Variants in GNPTG observed in about 807,000 individuals in gnomAD.
GNPTG encodes N-acetylglucosamine-1-phosphotransferase subunit gamma.
Under a neutral mutation model 43.8 loss-of-function variants are expected in GNPTG, and 46 were observed. The ratio of observed to expected loss-of-function variants is 1.05; its 90% CI spans 0.83 to 1.34. GNPTG has a LOEUF of 1.34. GNPTG is among the 40% of genes most tolerant of loss of function. The pLI, the probability that GNPTG is intolerant of heterozygous loss-of-function variation, is 0.00. For missense variants in GNPTG, 549 were observed against 411.3 expected (o/e 1.33, Z -2.90); for synonymous variants, 250 against 172.8 (o/e 1.45, Z -3.50).
intron 3 of GNPTG, among the ~76,000 whole-genome samples, chr16:1,356,913 G>A (rs866816914): frequency 1.9e-4 from 2 of 10,428 alleles, no homozygotes; most frequent in African/African-American, 5.3e-4. Context: ...GCGGGCGAGA[G>A]TGTGCGGGCG....
Position 1,352,241 on chromosome 16 carries a change from T to C in GNPTG, c.113T>C (p.Val38Ala), listed in dbSNP as rs372379104. ...KVVEEPNAFG[V>A]NNPFLPQASR... is the part of the protein sequence containing the mutation. ...GCTGACCTTGCCGCTTCCCGTAGGGTGAACAACCCGTTCTTGCCTCAGGCC... is the reference window on the plus strand; with the variant it reads ...GCTGACCTTGCCGCTTCCCGTAGGGCGAACAACCCGTTCTTGCCTCAGGCC... The change falls in exon 3 of 11, where the codon GTG becomes GCG. Residue 38 changes from valine to alanine, a missense_variant and splice_region_variant. Coordinates refer to ENST00000204679, the MANE Select transcript of GNPTG (RefSeq NM_032520.5). The C allele has an allele frequency of 1.5e-5, 23 of 1,548,604 alleles. No homozygotes were observed. The African/African-American group carries it at 2.7e-4, about 18-fold the overall frequency.
Position 1,361,953 on chromosome 16 carries a change from C to A in GNPTG, c.315C>A (p.Leu105=), listed in dbSNP as rs774673554. Residue 105 remains leucine (L), a splice_region_variant and synonymous_variant, in exon 5 of 11, where the codon CTC becomes CTA. Transcript: ENST00000204679. ...GCTGGAACGCCTACAGTGGGATCCT[C>A]GGGTGAGTGGGGCCGGGGCAGGGAT... ...TFRWNAYSGI[L]GIWHEWEIAN... The A allele has an allele frequency of 9.3e-6, 15 of 1,613,356 alleles. No homozygotes were observed. Among genetic ancestry groups the A allele is most frequent in the Middle Eastern group, 1.6e-4 (1 of 6,084 alleles).
chr16:1,352,222 C>T lies in GNPTG; in HGVS notation c.111-17C>T. 1 of 1,550,056 alleles carries T rather than the reference C, an allele frequency of 6.5e-7. No individual in the cohort carries two copies. The highest frequency in any genetic ancestry group is 1.2e-5 in the South Asian group (1 of 84,072). Reference sequence around the variant, plus strand: ...CGGCCCGGGCCCGTTCCCCGCTGACCTTGCCGCTTCCCGTAGGGTGAACAA... The same window carrying T: ...CGGCCCGGGCCCGTTCCCCGCTGACTTTGCCGCTTCCCGTAGGGTGAACAA... On this transcript the variant is annotated splice_polypyrimidine_tract_variant and intron_variant, in intron 2 of 10. Transcript: ENST00000204679.
chr16:1,354,585 CAAAAAAAAA>C (rs869067502), intron 3 of GNPTG, among the ~76,000 whole-genome samples: 2 of 44,376 alleles, frequency 4.5e-5, no homozygotes, highest in Non-Finnish European at 4.0e-5. Flanking sequence ...GACTTCGTCT[CAAAAAAAAA>C]AAAAAAAAAA....
intron 3 of GNPTG, among the ~76,000 whole-genome samples, chr16:1,359,669 G>A (rs1216057353): frequency 6.6e-6 from 1 of 152,166 alleles, no homozygotes; most frequent in East Asian, 1.9e-4. Context: ...CTGTCTTTAA[G>A]ATTTGTTCGA....
At chr16:1,358,307 C>A (rs1004713338) in intron 3 of GNPTG, 1 of 152,436 alleles carries the variant, frequency 6.6e-6, no homozygotes, top group African/African-American at 2.4e-5. Flanking sequence ...GCCCCGGCAC[C>A]CACCATTCTG....
At chr16:1,361,689 T>C (rs1435882197) in intron 3 of GNPTG, 54 bp from the exon 4 acceptor site, 4 of 1,590,612 alleles carry the variant, frequency 2.5e-6, no homozygotes, top group African/African-American at 2.7e-5. Context: ...CTGCCAGTCT[T>C]TGCAGACAGG....
intron 3 of GNPTG, 47 bp from the exon 4 acceptor site, chr16:1,361,696 C>CA: frequency 6.2e-7 from 1 of 1,601,954 alleles, no homozygotes. Flanking sequence ...TCTTTGCAGA[C>CA]AGGTTCTGTG....
chr16:1,363,041 A>T lies in GNPTG; in HGVS notation c.868A>T (p.Lys290Ter), dbSNP rs751864147. 1 of 1,614,080 alleles carries T rather than the reference A, an allele frequency of 6.2e-7. No individual in the cohort carries two copies. Among genetic ancestry groups the T allele is most frequent in the Admixed American group, 1.7e-5 (1 of 60,010 alleles). ...CTTGGGCCACGAGACGCCCAGAGCC[A>T]AGTCTCCAGAGCAGCTGCGGGGTGA... ...EHLGHETPRAKSPEQLRGDPG... is the reference protein window; with the variant it reads ...EHLGHETPRA Residue 290 changes from lysine (K) to a stop codon, truncating the protein, a stop_gained, in exon 11 of 11, where the codon AAG becomes TAG. Transcript: ENST00000204679. LOFTEE classifies it low-confidence loss of function (END_TRUNC).
At position 1,352,165 on chromosome 16, in the gene GNPTG, C is replaced by G; in HGVS notation, c.110+6C>G. On this transcript the variant is annotated splice_donor_region_variant and intron_variant, in intron 2 of 10. Transcript: ENST00000204679. Reference sequence around the variant, plus strand: ...GAGGAGCCCAACGCGTTTGGGTGAGCAGCCTCGCGGGCTGGCGGCTCGAGC... The same window carrying G: ...GAGGAGCCCAACGCGTTTGGGTGAGGAGCCTCGCGGGCTGGCGGCTCGAGC... The G allele has an allele frequency of 6.4e-7, 1 of 1,574,074 alleles. No homozygotes were observed. Among genetic ancestry groups the G allele is most frequent in the Non-Finnish European group, 8.6e-7 (1 of 1,161,402 alleles).
At position 1,362,622 on chromosome 16, in the gene GNPTG, G is replaced by C; in HGVS notation, c.621G>C (p.Lys207Asn). ...TCCTCCACCTTCAGGGCCATGAGAAGTTGCTGAGGACACTTTTTGAGGATG... is the reference window on the plus strand; with the variant it reads ...TCCTCCACCTTCAGGGCCATGAGAACTTGCTGAGGACACTTTTTGAGGATG... Reference protein sequence around the residue: ...DELITPQGHEKLLRTLFEDAG... With the variant: ...DELITPQGHENLLRTLFEDAG... Residue 207 changes from lysine (K) to asparagine (N), a missense_variant, in exon 9 of 11, where the codon AAG becomes AAC. Physicochemically the swap from Lys to Asn is moderately conservative, Grantham distance 94. Transcript: ENST00000204679. The C allele has an allele frequency of 6.2e-7, 1 of 1,614,204 alleles. No individual in the cohort carries two copies. Among genetic ancestry groups the C allele is most frequent in the Non-Finnish European group, 8.5e-7 (1 of 1,180,040 alleles).
rs1189462726 is a variant in GNPTG at position 1,362,113 on chromosome 16, C to T, written c.393C>T (p.Ser131=). 6.2e-7 allele frequency: 1 copy of T among 1,612,384 alleles called. No individual in the cohort carries two copies. The highest frequency in any genetic ancestry group is 8.5e-7 in the Non-Finnish European group (1 of 1,179,486). Residue 131 remains serine, a synonymous_variant, in exon 6 of 11, where the codon TCC becomes TCT. Coordinates refer to ENST00000204679, the MANE Select transcript of GNPTG (RefSeq NM_032520.5). ...MWMRDGDACR[S]RSRQSKVELA... ...TGAGGGACGGTGACGCCTGCCGTTC[C>T]CGGAGCCGGCAGAGCAAGGTGGGGC...
intron 3 of GNPTG, chr16:1,358,935 C>T (rs2034824523): frequency 6.6e-6 from 1 of 151,892 alleles, no homozygotes; most frequent in Admixed American, 6.6e-5. Flanking sequence ...CATCTTGGCT[C>T]ACTGCAAGCT....
intron 3 of GNPTG, among the ~76,000 whole-genome samples, chr16:1,356,898 AGTGTGCGGGCGAGAGTGTGCG>A (rs2034787300): frequency 5.6e-4 from 4 of 7,126 alleles, no homozygotes; most frequent in East Asian, 8.9e-3. Context: ...TGCGGGCGGG[AGTGTGCGGGCGAGAGTGTGCG>A]GGCGGGGGTC....
At position 1,362,293 on chromosome 16, in the gene GNPTG, C is replaced by T. The variant is rs764053747; in HGVS notation, c.499C>T (p.Leu167Phe). The change falls in exon 7 of 11, where the codon CTC becomes TTC. Residue 167 changes from leucine (L) to phenylalanine (F), a missense_variant. By Grantham distance (22) the Leu-to-Phe change is conservative (BLOSUM62 0). Transcript: ENST00000204679. ...CTACGCGCTGACGTTCGAGACCCCCCTCGTCTGCCACCCCCACGCCTTGCT... is the reference window on the plus strand; with the variant it reads ...CTACGCGCTGACGTTCGAGACCCCCTTCGTCTGCCACCCCCACGCCTTGCT... ...CVYALTFETP[L>F]VCHPHALLVY... 1 of 1,613,290 alleles carries T rather than the reference C, an allele frequency of 6.2e-7. No homozygotes were observed. Among genetic ancestry groups the T allele is most frequent in the Non-Finnish European group, 8.5e-7 (1 of 1,179,964 alleles).
rs777517352 is a variant in GNPTG, at chr16:1,363,109, A to G, written c.*18A>G. On this transcript the variant is annotated 3_prime_UTR_variant, in exon 11 of 11. Coordinates refer to ENST00000204679, the MANE Select transcript of GNPTG (RefSeq NM_032520.5). ...GTTTGTGACCTTGTGGTGGGAGAGC[A>G]GAGGTGGACGCGGCCGAGAGCCCTA... The G allele has an allele frequency of 2.7e-5, 44 of 1,611,434 alleles. No individual in the cohort carries two copies. Among genetic ancestry groups the G allele is most frequent in the Non-Finnish European group, 3.5e-5 (41 of 1,178,514 alleles).
rs375764145 is a variant in GNPTG at position 1,362,026 on chromosome 16, G to T, written c.318-12G>T. On this transcript the variant is annotated splice_polypyrimidine_tract_variant and intron_variant, in intron 5 of 10. Transcript: ENST00000204679. ...CCACCCGGCCTCACGTGCCGTGCCCGTGTCTCCCCAGCATCTGGCACGAGT... is the reference window on the plus strand; with the variant it reads ...CCACCCGGCCTCACGTGCCGTGCCCTTGTCTCCCCAGCATCTGGCACGAGT... 1.7e-5 allele frequency: 28 copies of T among 1,612,638 alleles called. No homozygotes were observed. The African/African-American group carries it at 3.5e-4, about 20-fold the overall frequency.
chr16:1,362,031 TCC>T lies in GNPTG; in HGVS notation c.318-4_318-3del. On this transcript the variant is annotated splice_region_variant and splice_polypyrimidine_tract_variant and intron_variant, in intron 5 of 10. Coordinates refer to ENST00000204679, the MANE Select transcript of GNPTG (RefSeq NM_032520.5). ...CGGCCTCACGTGCCGTGCCCGTGTC[TCC>T]CCAGCATCTGGCACGAGTGGGAGAT... is the stretch of plus-strand genomic sequence containing the variant. 2 of 1,612,768 alleles carry T rather than the reference TCC, an allele frequency of 1.2e-6. No individual in the cohort carries two copies. Among genetic ancestry groups the T allele is most frequent in the Non-Finnish European group, 1.7e-6 (2 of 1,179,698 alleles).
intron 3 of GNPTG, among the ~76,000 whole-genome samples, chr16:1,353,220 G>A (rs923958714): frequency 1.3e-5 from 2 of 152,128 alleles, no homozygotes; most frequent in African/African-American, 2.4e-5. Context: ...CAAGTGATCC[G>A]CCCATCTCGG....
Sources: allele counts gnomAD v4.1 joint callset (sites outside exome capture counted in the v4.1 genomes callset), GRCh38; gene constraint gnomAD v4.1.1; transcripts MANE v1.5; gene names NCBI Gene and HGNC (gene_info 2026-07-23, HGNC 2026-07-21).